The following PCNX1 variants were observed in gnomAD, a reference collection of about 807,000 sequenced individuals.
PCNX1 encodes the protein pecanex-like protein 1.
PCNX1 carries 78 observed loss-of-function variants against 242.2 expected under a neutral mutation model. The ratio of observed to expected loss-of-function variants is 0.32; its 90% CI spans 0.27 to 0.39. The LOEUF (loss-of-function observed/expected upper bound fraction) is 0.39. Ranked by LOEUF, PCNX1 falls within the 10% of genes least tolerant of loss-of-function variation. The pLI is 1.00. For synonymous variants in PCNX1, 1,024 were observed against 1,032.9 expected (o/e 0.99, Z 0.17); for missense variants, 2,581 against 2,856.5 (o/e 0.90, Z 2.20).
chr14:71,081,447 C>T (rs765316840), intron 28 of PCNX1, among the ~76,000 whole-genome samples: 14 of 152,164 alleles, frequency 9.2e-5, no homozygotes, highest in Non-Finnish European at 1.6e-4. Context: ...GGAATGGTAC[C>T]AGCTCTTCTT....
rs118152090 is a variant in PCNX1 at position 71,022,361 on chromosome 14, A to G, written c.3151-839A>G. Among the ~76,000 whole-genome samples, 481 of 152,288 alleles carry G rather than the reference A, an allele frequency of 3.2e-3. 1 individual carries two copies. Among genetic ancestry groups the G allele is most frequent in the Admixed American group, 0.01 (154 of 15,286 alleles). ...AGGTAAAAGGTGACAGATTTTTGCAACTAGTTGACTAGAAGAATAATAATG... is the reference window on the plus strand; with the variant it reads ...AGGTAAAAGGTGACAGATTTTTGCAGCTAGTTGACTAGAAGAATAATAATG... On this transcript the variant is annotated intron_variant, in intron 12 of 35. Transcript: ENST00000304743.
chr14:70,916,428 G>A (rs2056155343), intron 1 of PCNX1, among the ~76,000 whole-genome samples: 2 of 152,092 alleles, frequency 1.3e-5, no homozygotes, highest in African/African-American at 4.8e-5. Context: ...AAGAGCCAGG[G>A]AAAGAGAGTA....
chr14:70,939,326 G>A (rs2057138899), intron 1 of PCNX1, among the ~76,000 whole-genome samples: 1 of 152,164 alleles, frequency 6.6e-6, no homozygotes, highest in Non-Finnish European at 1.5e-5. Context: ...ATTCTGGTAT[G>A]TTGTGTCTTT....
At chr14:71,065,619 T>TTTAA (rs1489134057) in intron 26 of PCNX1, among the ~76,000 whole-genome samples, 1 of 151,750 alleles carries the variant, frequency 6.6e-6, no homozygotes, top group Admixed American at 6.6e-5. Context: ...AGCTCTTTAG[T>TTTAA]TTAGATCCCA....
Position 70,978,448 on chromosome 14 carries a change from C to T in PCNX1, c.2111C>T (p.Ser704Leu). The change falls in exon 6 of 36, where the codon TCA (serine) becomes TTA (leucine). Residue 704 changes from serine to leucine, a missense_variant. Ser to Leu is a moderately radical substitution (Grantham distance 145). Coordinates refer to ENST00000304743, the MANE Select transcript of PCNX1 (RefSeq NM_014982.3). ...DSGTVACLND[S>L]NRLMAPESIK... The stretch of plus-strand genomic sequence containing the variant: ...GGCACAGTAGCATGTTTGAATGACT[C>T]AAACAGGTTAATGGCACCTGAAAGT... The T allele has an allele frequency of 6.2e-7, 1 of 1,614,126 alleles. No individual in the cohort carries two copies. The highest frequency in any genetic ancestry group is 1.1e-5 in the South Asian group (1 of 91,076).
intron 11 of PCNX1, among the ~76,000 whole-genome samples, chr14:71,016,221 T>C (rs2059959386): frequency 1.3e-5 from 2 of 152,224 alleles, no homozygotes; most frequent in East Asian, 3.8e-4. Context: ...CAGTCCTAAA[T>C]GTTTGTACAC....
At chr14:70,986,978 A>G (rs2059019373) in intron 6 of PCNX1, among the ~76,000 whole-genome samples, 1 of 152,218 alleles carries the variant, frequency 6.6e-6, no homozygotes, top group African/African-American at 2.4e-5. Flanking sequence ...ATTGGTGTCT[A>G]AGAACTGTTA....
intron 23 of PCNX1, among the ~76,000 whole-genome samples, chr14:71,051,168 C>CAAAAA (rs758181078): frequency 1.7e-4 from 7 of 41,778 alleles, no homozygotes; most frequent in East Asian, 7.0e-4. Context: ...AACTCTGTCT[C>CAAAAA]AAAAAAAAAA....
intron 26 of PCNX1, among the ~76,000 whole-genome samples, chr14:71,065,040 C>G (rs1026714938): frequency 6.6e-6 from 1 of 152,190 alleles, no homozygotes; most frequent in Admixed American, 6.5e-5. Flanking sequence ...TGTGTTGGCT[C>G]CAAGTCTTTG....
intron 25 of PCNX1, 25 bp downstream of exon 25, chr14:71,055,587 G>A: frequency 6.9e-7 from 1 of 1,458,960 alleles, no homozygotes; most frequent in Non-Finnish European, 9.6e-7. Flanking sequence ...TGTGACTAAG[G>A]AGGCAAGACT....
intron 28 of PCNX1, among the ~76,000 whole-genome samples, chr14:71,085,196 C>T (rs141207623): frequency 5.3e-5 from 8 of 152,248 alleles, no homozygotes; most frequent in East Asian, 3.9e-4. Context: ...AGTCCCAATG[C>T]GATGAGCCGG....
intron 11 of PCNX1, among the ~76,000 whole-genome samples, chr14:71,017,549 A>G (rs2059991370): frequency 6.6e-6 from 1 of 152,232 alleles, no homozygotes; most frequent in Admixed American, 6.5e-5. Context: ...AACTTCTAGA[A>G]AAAAAAGAAA....
chr14:71,049,027 TTAA>T (rs2060946776), intron 22 of PCNX1: 1 of 956,732 alleles, frequency 1.0e-6, no homozygotes, highest in South Asian at 4.8e-5. Context: ...AGCCAGAAAA[TTAA>T]TCAGAGAATT....
At chr14:71,057,473 GTTAAA>G in intron 25 of PCNX1, 31 bp from the exon 26 acceptor site, 2 of 1,398,166 alleles carry the variant, frequency 1.4e-6, no homozygotes, top group South Asian at 2.4e-5. Context: ...AGGACTTAAG[GTTAAA>G]TTTAACTTTT....
chr14:71,067,277 C>A (rs557611136), intron 26 of PCNX1, among the ~76,000 whole-genome samples: 1 of 152,188 alleles, frequency 6.6e-6, no homozygotes, highest in African/African-American at 2.4e-5. Flanking sequence ...TTAATTACTG[C>A]CTCAATTTCA....
At chr14:71,045,556 C>T (rs957638601) in intron 20 of PCNX1, among the ~76,000 whole-genome samples, 2 of 152,156 alleles carry the variant, frequency 1.3e-5, no homozygotes, top group Non-Finnish European at 2.9e-5. Context: ...TTGATGAATC[C>T]TCCTTTGTGT....
chr14:71,022,422 A>G (rs900782576), intron 12 of PCNX1, among the ~76,000 whole-genome samples: 3 of 152,204 alleles, frequency 2.0e-5, no homozygotes, highest in African/African-American at 7.2e-5. Context: ...GAACAGAAGC[A>G]TTTAGAAGAT....
Position 71,110,117 on chromosome 14 carries a change from T to C in PCNX1, c.*182T>C. 1.5e-6 allele frequency: 1 copy of C among 666,158 alleles called. No homozygotes were observed. Among genetic ancestry groups the C allele is most frequent in the South Asian group, 1.6e-5 (1 of 62,872 alleles). 41.3% of individuals were successfully genotyped at this position (666,158 alleles called of 1,614,324 possible). ...CTTCACCCTGACTCCTGTCACTGTC[T>C]CCATCCCCAAATAAAGCTGAAATAT... is the stretch of plus-strand genomic sequence containing the variant. On this transcript the variant is annotated 3_prime_UTR_variant, in exon 36 of 36. Coordinates refer to ENST00000304743, the MANE Select transcript of PCNX1 (RefSeq NM_014982.3).
intron 7 of PCNX1, among the ~76,000 whole-genome samples, chr14:70,992,379 G>A (rs969410685): frequency 1.3e-5 from 2 of 152,090 alleles, no homozygotes; most frequent in East Asian, 1.9e-4. Context: ...TCATGATTAG[G>A]AATTCATAGG....
Sources: gnomAD v4.1 joint callset for allele counts (sites outside exome capture counted in the v4.1 genomes callset) on GRCh38, gnomAD v4.1.1 for gene constraint, MANE v1.5 for transcripts, NCBI Gene and HGNC (gene_info 2026-07-23, HGNC 2026-07-21) for gene names.